Variants in PRKG1 observed in about 807,000 individuals in gnomAD.
PRKG1 encodes the protein cGMP-dependent protein kinase 1.
In PRKG1, 35 loss-of-function variants were observed where a neutral mutation model predicts 88.1. The observed-to-expected ratio is 0.40, with a 90% CI of 0.30 to 0.53. The LOEUF is 0.53. PRKG1 is among the 20% of genes least tolerant of loss of function. The pLI, the probability that PRKG1 is intolerant of heterozygous loss-of-function variation, is 0.59. For synonymous variants in PRKG1, 303 were observed against 292.5 expected (o/e 1.04, Z -0.37); for missense variants, 540 against 839.8 (o/e 0.64, Z 4.41).
At chr10:51,021,940 C>G (rs1784099551) in intron 1 of PRKG1, among the ~76,000 whole-genome samples, 1 of 152,222 alleles carries the variant, frequency 6.6e-6, no homozygotes, top group Non-Finnish European at 1.5e-5. Flanking sequence ...CTCGGCCTCC[C>G]AAAGTGCTGG....
chr10:51,329,859 C>A (rs1019175124), intron 2 of PRKG1, among the ~76,000 whole-genome samples: 5 of 149,664 alleles, frequency 3.3e-5, no homozygotes, highest in Non-Finnish European at 7.4e-5. Flanking sequence ...TGCTTCATTT[C>A]TCTTGCTGCT....
At chr10:51,683,522 G>C (rs1840903982) in intron 3 of PRKG1, among the ~76,000 whole-genome samples, 1 of 152,208 alleles carries the variant, frequency 6.6e-6, no homozygotes, top group South Asian at 2.1e-4. Context: ...CAGGGAGATA[G>C]AAGGAAGCCC....
intron 9 of PRKG1, among the ~76,000 whole-genome samples, chr10:52,235,511 C>A (rs1461234303): frequency 6.7e-6 from 1 of 150,284 alleles, no homozygotes; most frequent in Non-Finnish European, 1.5e-5. Context: ...GCAGGGGTTG[C>A]AATCCTAGTT....
At chr10:51,688,658 T>A (rs1212750997) in intron 3 of PRKG1, among the ~76,000 whole-genome samples, 1 of 151,748 alleles carries the variant, frequency 6.6e-6, no homozygotes, top group Non-Finnish European at 1.5e-5. Flanking sequence ...TAAAGTATTT[T>A]AAAAAATTAC....
chr10:51,491,728 G>A (rs1840712346), intron 3 of PRKG1, among the ~76,000 whole-genome samples: 1 of 152,092 alleles, frequency 6.6e-6, no homozygotes, highest in South Asian at 2.1e-4. Context: ...TAATTCAGCT[G>A]GGATCATTTA....
chr10:51,416,000 C>T (rs1245029021), intron 2 of PRKG1, among the ~76,000 whole-genome samples: 2 of 151,600 alleles, frequency 1.3e-5, no homozygotes, highest in Admixed American at 6.6e-5. Flanking sequence ...ACAAAGATTT[C>T]GTTGTCCTCA....
At chr10:52,131,589 G>T (rs1837259968) in intron 7 of PRKG1, among the ~76,000 whole-genome samples, 1 of 151,942 alleles carries the variant, frequency 6.6e-6, no homozygotes, top group Non-Finnish European at 1.5e-5. Context: ...GCTCACACTT[G>T]TAATCTCAGC....
chr10:51,163,879 A>G (rs1846444761), intron 2 of PRKG1, among the ~76,000 whole-genome samples: 1 of 152,198 alleles, frequency 6.6e-6, no homozygotes, highest in African/African-American at 2.4e-5. Context: ...GCTTAGGTAA[A>G]CAAAGCAGCT....
chr10:51,173,079 G>A (rs999827270), intron 2 of PRKG1, among the ~76,000 whole-genome samples: 7 of 151,992 alleles, frequency 4.6e-5, no homozygotes, highest in South Asian at 4.1e-4. Flanking sequence ...ACATCTGCTC[G>A]TTTTTAAAAA....
intron 2 of PRKG1, among the ~76,000 whole-genome samples, chr10:51,343,898 C>G (rs997177677): frequency 1.3e-5 from 2 of 152,052 alleles, no homozygotes; most frequent in Non-Finnish European, 2.9e-5. Context: ...CCTAGCAGCT[C>G]AATGGGAATC....
intron 9 of PRKG1, among the ~76,000 whole-genome samples, chr10:52,217,569 A>G (rs1347712725): frequency 6.6e-6 from 1 of 152,178 alleles, no homozygotes; most frequent in African/African-American, 2.4e-5. Context: ...ATATGGAATA[A>G]TAGAAACTAC....
intron 4 of PRKG1, among the ~76,000 whole-genome samples, chr10:51,871,944 G>A (rs528446262): frequency 6.6e-6 from 1 of 152,298 alleles, no homozygotes; most frequent in Admixed American, 6.5e-5. Flanking sequence ...CAAGTAGAGG[G>A]AGGAAGAAAG....
chr10:51,881,574 T>C (rs1841439011), intron 4 of PRKG1, among the ~76,000 whole-genome samples: 1 of 152,318 alleles, frequency 6.6e-6, no homozygotes, highest in East Asian at 1.9e-4. Context: ...AGGCCTCTTA[T>C]CACCTAGCCT....
chr10:51,508,078 G>A (rs777531427), intron 3 of PRKG1, among the ~76,000 whole-genome samples: 2 of 152,086 alleles, frequency 1.3e-5, no homozygotes, highest in Non-Finnish European at 2.9e-5. Context: ...GTCATTTACT[G>A]TGTGACTTTA....
chr10:51,256,502 A>T (rs1839564502), intron 2 of PRKG1, among the ~76,000 whole-genome samples: 2 of 152,126 alleles, frequency 1.3e-5, no homozygotes, highest in African/African-American at 4.8e-5. Flanking sequence ...GAAGAATATG[A>T]GGTAGTCTGT....
At chr10:52,150,831 C>G (rs963005616) in intron 8 of PRKG1, among the ~76,000 whole-genome samples, 1 of 151,986 alleles carries the variant, frequency 6.6e-6, no homozygotes, top group African/African-American at 2.4e-5. Flanking sequence ...TTTGCATTCC[C>G]AAGATATTTT....
chr10:51,977,291 G>T (rs558166751), intron 5 of PRKG1, among the ~76,000 whole-genome samples: 96 of 152,184 alleles, frequency 6.3e-4, no homozygotes, highest in African/African-American at 2.2e-3. Context: ...TCCTGAAAAA[G>T]ATATGATCTT....
chr10:51,663,909 CA>C (rs1392771260), intron 3 of PRKG1, among the ~76,000 whole-genome samples: 4 of 151,622 alleles, frequency 2.6e-5, no homozygotes, highest in African/African-American at 9.7e-5. Context: ...ATAATGGTTT[CA>C]AAATTTAACA....
intron 3 of PRKG1, among the ~76,000 whole-genome samples, chr10:51,600,153 A>T (rs1254063685): frequency 6.6e-6 from 1 of 151,916 alleles, no homozygotes; most frequent in African/African-American, 2.4e-5. Context: ...TTGTTTCATG[A>T]TTTACTTCTC....
Sources: gnomAD v4.1 joint callset for allele counts (sites outside exome capture counted in the v4.1 genomes callset) on GRCh38, gnomAD v4.1.1 for gene constraint, MANE v1.5 for transcripts, NCBI Gene and HGNC (gene_info 2026-07-23, HGNC 2026-07-21) for gene names.